MN1: variants seen among roughly 807,000 people sequenced by gnomAD.
MN1 encodes transcriptional activator MN1.
Under a neutral mutation model 86.9 loss-of-function variants are expected in MN1, and 19 were observed. The ratio of observed to expected loss-of-function variants is 0.22; its 90% CI spans 0.15 to 0.32. The LOEUF (loss-of-function observed/expected upper bound fraction) is 0.32, where lower values mean the gene tolerates loss of function less well. Ranked by LOEUF, MN1 falls within the 10% of genes least tolerant of loss-of-function variation. The pLI, the probability that MN1 is intolerant of heterozygous loss-of-function variation, is 1.00. For missense variants in MN1, 1,841 were observed against 1,862.0 expected (o/e 0.99, Z 0.21); for synonymous variants, 928 against 849.6 (o/e 1.09, Z -1.60).
intron 1 of MN1, among the ~76,000 whole-genome samples, chr22:27,782,047 T>G (rs1038195735): frequency 2.6e-5 from 4 of 152,068 alleles, no homozygotes; most frequent in Admixed American, 6.6e-5. Context: ...ATGGATTCCC[T>G]CCACAAGAAG....
intron 1 of MN1, among the ~76,000 whole-genome samples, chr22:27,782,695 G>A (rs1052387300): frequency 6.6e-5 from 10 of 152,076 alleles, no homozygotes; most frequent in Admixed American, 2.0e-4. Flanking sequence ...CTCTTTCACC[G>A]ATGAGGAAAT....
rs1374856779 is a variant in MN1, at chr22:27,801,723, C to T, written c.-1180G>A. On this transcript the variant is annotated 5_prime_UTR_variant, in exon 1 of 2. Coordinates refer to ENST00000302326, the MANE Select transcript of MN1 (RefSeq NM_002430.3). ...AGGGTCTCGGCTCCCCTCTCTGTGT[C>T]TGCCTCTCGCCCAGCGCCGGGAGAA... Among the ~76,000 whole-genome samples the T allele has an allele frequency of 2.6e-5, 4 of 152,236 alleles. No individual in the cohort carries two copies. Among genetic ancestry groups the T allele is most frequent in the African/African-American group, 9.6e-5 (4 of 41,466 alleles).
rs770166896 is a variant in MN1 at position 27,796,756 on chromosome 22, C to CAT, written c.3781+5_3781+6dup. ...GGGAAGTGAGAGGAAAACGAGTGTGCATATACCTTCTTTGCTGTTGGGGTT... is the reference window on the plus strand; with the variant it reads ...GGGAAGTGAGAGGAAAACGAGTGTGCATATATACCTTCTTTGCTGTTGGGGTT... On this transcript the variant is annotated splice_region_variant and intron_variant, in intron 1 of 1. Transcript: ENST00000302326. 1.3e-5 allele frequency: 20 copies of CAT among 1,588,120 alleles called. No individual in the cohort carries two copies. The highest frequency in any genetic ancestry group is 1.5e-5 in the Non-Finnish European group (17 of 1,171,360).
chr22:27,798,645 T>C lies in MN1; in HGVS notation c.1899A>G (p.Ser633=). Reference sequence around the variant, plus strand: ...GGTCTCCGGGCGGCGGATGCGGACCTGAGAACCACGCGCTCTCTTGCGCCA... The same window carrying C: ...GGTCTCCGGGCGGCGGATGCGGACCCGAGAACCACGCGCTCTCTTGCGCCA... ...PHLAQESAWF[S]GPHPPPGDLL... is the part of the protein sequence containing the mutation. The change falls in exon 1 of 2, where the codon TCA becomes TCG. Residue 633 remains serine, a synonymous_variant. Coordinates refer to ENST00000302326, the MANE Select transcript of MN1 (RefSeq NM_002430.3). The C allele has an allele frequency of 6.4e-7, 1 of 1,560,458 alleles. No homozygotes were observed. Among genetic ancestry groups the C allele is most frequent in the South Asian group, 1.2e-5 (1 of 85,850 alleles).
rs1489595143 is a variant in MN1, at chr22:27,799,931, C to G, written c.613G>C (p.Gly205Arg). ...TCGGAGCCGCTGGAGGACGGCAGGC[C>G]GTGGAAGGAGGCGGCTCGGTTAGGG... ...QSPNRAASFH[G>R]LPSSSGSDSH... Residue 205 changes from glycine to arginine, a missense_variant, in exon 1 of 2, where the codon GGC becomes CGC. Physicochemically the swap from Gly to Arg is moderately radical, Grantham distance 125. Coordinates refer to ENST00000302326, the MANE Select transcript of MN1 (RefSeq NM_002430.3). 6.2e-7 allele frequency: 1 copy of G among 1,603,446 alleles called. No individual in the cohort carries two copies. The highest frequency in any genetic ancestry group is 2.2e-5 in the East Asian group (1 of 44,586).
At chr22:27,793,132 C>G (rs1933237339) in intron 1 of MN1, among the ~76,000 whole-genome samples, 1 of 152,104 alleles carries the variant, frequency 6.6e-6, no homozygotes, top group Non-Finnish European at 1.5e-5. Context: ...CAAGACTGCC[C>G]TGGGTTTCAA....
At chr22:27,772,916 T>C (rs1260837166) in intron 1 of MN1, among the ~76,000 whole-genome samples, 1 of 151,364 alleles carries the variant, frequency 6.6e-6, no homozygotes, top group Non-Finnish European at 1.5e-5. Flanking sequence ...AGCTGGGGGC[T>C]AGCAGCCTAG....
chr22:27,799,989 G>A lies in MN1; in HGVS notation c.555C>T (p.Ala185=). ...CCAGCGGCAGGCATGGGGCCGGCAC[G>A]GCGTGGCTGGAGGCACCTGAACTGT... The part of the protein sequence containing the change: ...DFHSSGASSH[A]VPAPCLPLDQ... The change falls in exon 1 of 2, where the codon GCC becomes GCT. Residue 185 remains alanine (A), a synonymous_variant. Coordinates refer to ENST00000302326, the MANE Select transcript of MN1 (RefSeq NM_002430.3). 6.2e-7 allele frequency: 1 copy of A among 1,603,860 alleles called. No individual in the cohort carries two copies. The highest frequency in any genetic ancestry group is 8.5e-7 in the Non-Finnish European group (1 of 1,177,658).
intron 1 of MN1, among the ~76,000 whole-genome samples, chr22:27,757,588 C>T (rs1328012274): frequency 6.6e-6 from 1 of 152,192 alleles, no homozygotes; most frequent in Admixed American, 6.5e-5. Flanking sequence ...CGCTGGATTC[C>T]GACAAAGGGA....
chr22:27,788,124 G>A (rs929998126), intron 1 of MN1, among the ~76,000 whole-genome samples: 7 of 152,030 alleles, frequency 4.6e-5, no homozygotes, highest in East Asian at 1.9e-4. Flanking sequence ...TTTTCCACTC[G>A]CGAACCCCAA....
chr22:27,800,133 G>A lies in MN1; in HGVS notation c.411C>T (p.Gly137=), dbSNP rs1346649836. ...CLHGGRLLGY[G]GAAGGLGSQP... ...GGCTGCCCAGGCCTCCGGCTGCGCC[G>A]CCGTAGCCGAGCAGGCGACCCCCGT... is the stretch of plus-strand genomic sequence containing the variant. The change falls in exon 1 of 2, where the codon GGC becomes GGT. Residue 137 remains glycine, a synonymous_variant. Coordinates refer to ENST00000302326, the MANE Select transcript of MN1 (RefSeq NM_002430.3). 6 of 1,559,134 alleles carry A rather than the reference G, an allele frequency of 3.8e-6. No individual in the cohort carries two copies. The highest frequency in any genetic ancestry group is 3.5e-6 in the Non-Finnish European group (4 of 1,158,952).
chr22:27,796,332 A>T (rs966269658), intron 1 of MN1, among the ~76,000 whole-genome samples: 1 of 152,108 alleles, frequency 6.6e-6, no homozygotes, highest in Non-Finnish European at 1.5e-5. Flanking sequence ...AGGCGTTAAC[A>T]CAACTTCCCA....
At position 27,800,120 on chromosome 22, in the gene MN1, C is replaced by T. The variant is rs1280770810; in HGVS notation, c.424G>A (p.Gly142Ser). The change falls in exon 1 of 2, where the codon GGC becomes AGC. Residue 142 changes from glycine to serine, a missense_variant. By Grantham distance (56) the Gly-to-Ser change is moderately conservative. Coordinates refer to ENST00000302326, the MANE Select transcript of MN1 (RefSeq NM_002430.3). ...GCGAAGGGCGGCTGGCTGCCCAGGC[C>T]TCCGGCTGCGCCGCCGTAGCCGAGC... ...RLLGYGGAAG[G>S]LGSQPPFAEG... 6.4e-7 allele frequency: 1 copy of T among 1,570,734 alleles called. No individual in the cohort carries two copies. The highest frequency in any genetic ancestry group is 1.1e-5 in the South Asian group (1 of 87,362).
intron 1 of MN1, among the ~76,000 whole-genome samples, chr22:27,756,845 T>A (rs907534271): frequency 6.6e-6 from 1 of 152,130 alleles, no homozygotes; most frequent in African/African-American, 2.4e-5. Context: ...AACCTCAACC[T>A]CCTGGGCTCA....
intron 1 of MN1, among the ~76,000 whole-genome samples, chr22:27,794,987 G>A (rs374571705): frequency 1.3e-5 from 2 of 148,536 alleles, no homozygotes; most frequent in African/African-American, 5.0e-5. Flanking sequence ...GATCGGGCCA[G>A]ATCGAGATGT....
chr22:27,754,761 G>C (rs1330841779), intron 1 of MN1, among the ~76,000 whole-genome samples: 1 of 152,156 alleles, frequency 6.6e-6, no homozygotes, highest in Non-Finnish European at 1.5e-5. Flanking sequence ...GAGGCGGTAA[G>C]CACGCCAGCC....
Position 27,798,018 on chromosome 22 carries a change from G to A in MN1, c.2526C>T (p.Pro842=). 6.2e-7 allele frequency: 1 copy of A among 1,605,574 alleles called. No homozygotes were observed. Among genetic ancestry groups the A allele is most frequent in the Non-Finnish European group, 8.5e-7 (1 of 1,177,288 alleles). ...CQNMIASLGA[P]NLNVTFNKKN... ...TCTTGTTGAAGGTCACGTTGAGGTT[G>A]GGGGCCCCGAGGCTGGCGATCATGT... The change falls in exon 1 of 2, where the codon CCC becomes CCT. Residue 842 remains proline (P), a synonymous_variant. Transcript: ENST00000302326.
Position 27,800,097 on chromosome 22 carries a change from G to A in MN1, c.447C>T (p.Phe149=), listed in dbSNP as rs1015860322. ...AAGGLGSQPP[F]AEGYEHMAES... The stretch of plus-strand genomic sequence containing the variant: ...CCGCCATGTGCTCATAGCCCTCGGC[G>A]AAGGGCGGCTGGCTGCCCAGGCCTC... The change falls in exon 1 of 2, where the codon TTC becomes TTT. Residue 149 remains phenylalanine (F), a synonymous_variant. Transcript: ENST00000302326. 3 of 1,588,368 alleles carry A rather than the reference G, an allele frequency of 1.9e-6. No homozygotes were observed. Among genetic ancestry groups the A allele is most frequent in the African/African-American group, 1.3e-5 (1 of 74,460 alleles).
In MN1 at chr22:27,750,964, T is replaced by C. The variant is rs1211821891; in HGVS notation, c.3914A>G (p.His1305Arg). ...RASVPTWRSL[H>R]SDISNRFGTF... ...CCCAAATCTGTTGGAGATGTCAGAA[T>C]GCAGGGACCGCCAGGTGGGCACGGA... Residue 1305 changes from histidine to arginine, a missense_variant, in exon 2 of 2, where the codon CAT (histidine) becomes CGT (arginine). Transcript: ENST00000302326. The C allele has an allele frequency of 4.3e-6, 7 of 1,612,264 alleles. No homozygotes were observed. In the Middle Eastern group the frequency reaches 8.2e-4, roughly 190 times the overall value.
Sources: allele counts gnomAD v4.1 joint callset (sites outside exome capture counted in the v4.1 genomes callset), GRCh38; gene constraint gnomAD v4.1.1; transcripts MANE v1.5; gene names NCBI Gene and HGNC (gene_info 2026-07-23, HGNC 2026-07-21).